Variants in WIPF3 observed in about 807,000 individuals in gnomAD.
WIPF3 encodes the protein WAS/WASL-interacting protein family member 3.
WIPF3 carries 33 observed loss-of-function variants against 38.9 expected under a neutral mutation model. The ratio of observed to expected loss-of-function variants is 0.85; its 90% CI spans 0.64 to 1.14. The LOEUF is 1.14. Among genes scored for constraint, WIPF3 ranks in the 50% most tolerant of loss-of-function variants. WIPF3 has a pLI of 0.00. For synonymous variants in WIPF3, 324 were observed against 269.3 expected (o/e 1.20, Z -1.99); for missense variants, 711 against 652.5 (o/e 1.09, Z -0.98).
At chr7:29,863,040 AT>A (rs1785323251) in intron 2 of WIPF3, among the ~76,000 whole-genome samples, 1 of 151,960 alleles carries the variant, frequency 6.6e-6, no homozygotes, top group African/African-American at 2.4e-5. Context: ...TCTCAACTGT[AT>A]TTTTTATTTT....
chr7:29,879,176 G>A, intron 4 of WIPF3, 36 bp downstream of exon 4: 1 of 1,593,850 alleles, frequency 6.3e-7, no homozygotes, highest in Non-Finnish European at 8.6e-7. Context: ...CTTGTGGTCT[G>A]TATCTCCTTA....
intron 2 of WIPF3, among the ~76,000 whole-genome samples, chr7:29,840,800 G>C: frequency 6.6e-6 from 1 of 152,132 alleles, no homozygotes; most frequent in Non-Finnish European, 1.5e-5. Context: ...CAGGAGCAGG[G>C]TGGGGGTCAG....
At chr7:29,812,581 G>A (rs1045298826) in intron 1 of WIPF3, among the ~76,000 whole-genome samples, 2 of 152,172 alleles carry the variant, frequency 1.3e-5, no homozygotes, top group African/African-American at 4.8e-5. Context: ...TTTTATTCAG[G>A]AAGTGATGCA....
intron 8 of WIPF3, chr7:29,912,778 A>G (rs1786528124): frequency 6.6e-6 from 1 of 152,310 alleles, no homozygotes; most frequent in Admixed American, 6.5e-5. Context: ...TTCAACATGG[A>G]TGAACTTTGA....
intron 1 of WIPF3, among the ~76,000 whole-genome samples, chr7:29,814,068 G>A (rs554807955): frequency 2.0e-5 from 3 of 151,976 alleles, no homozygotes; most frequent in Non-Finnish European, 2.9e-5. Context: ...CTACAGGCGC[G>A]TGCCATGACA....
intron 4 of WIPF3, among the ~76,000 whole-genome samples, chr7:29,880,720 G>T (rs1785697688): frequency 6.6e-6 from 1 of 152,156 alleles, no homozygotes; most frequent in Non-Finnish European, 1.5e-5. Context: ...GGGAAGACAA[G>T]AATTTATCTC....
In WIPF3 at chr7:29,806,582, G is replaced by C. The variant is rs1056531874; in HGVS notation, c.-154G>C. The C allele has an allele frequency of 2.6e-5, 4 of 151,452 alleles. No individual in the cohort carries two copies. The highest frequency in any genetic ancestry group is 4.4e-5 in the Non-Finnish European group (3 of 67,876). 9.4% of individuals were successfully genotyped at this position (151,452 alleles called of 1,614,324 possible). A position where few individuals can be genotyped will look rare whatever the true frequency, so the allele number is the denominator to read the frequency against. On this transcript the variant is annotated 5_prime_UTR_variant, in exon 1 of 9. Coordinates refer to ENST00000242140, the MANE Select transcript of WIPF3 (RefSeq NM_001080529.3). ...GCGGTAGCGGCGCCGCTTGGAGCAC[G>C]GGCGCTGCGGGACGGAGCCCGGAGC... is the stretch of plus-strand genomic sequence containing the variant.
chr7:29,842,615 A>G (rs767283550), intron 2 of WIPF3, among the ~76,000 whole-genome samples: 2 of 152,106 alleles, frequency 1.3e-5, no homozygotes, highest in Admixed American at 1.3e-4. Context: ...ATATATTGGG[A>G]GGTTTTCCCA....
intron 8 of WIPF3, among the ~76,000 whole-genome samples, chr7:29,913,983 C>T (rs879675294): frequency 3.3e-5 from 5 of 152,204 alleles, no homozygotes; most frequent in Non-Finnish European, 7.3e-5. Context: ...ATCTTTGTAT[C>T]TCACTGGATA....
At chr7:29,849,568 A>C (rs1003188241) in intron 2 of WIPF3, among the ~76,000 whole-genome samples, 1 of 152,214 alleles carries the variant, frequency 6.6e-6, no homozygotes, top group Non-Finnish European at 1.5e-5. Flanking sequence ...AGTGTTCTCT[A>C]GTCTGACTAA....
At chr7:29,903,807 T>G (rs946068782) in intron 7 of WIPF3, among the ~76,000 whole-genome samples, 1 of 152,208 alleles carries the variant, frequency 6.6e-6, no homozygotes, top group Admixed American at 6.5e-5. Context: ...ACTTTGAGGT[T>G]TTTTTCCATT....
intron 2 of WIPF3, among the ~76,000 whole-genome samples, chr7:29,853,191 G>A (rs764239196): frequency 3.9e-4 from 60 of 152,204 alleles, no homozygotes; most frequent in Non-Finnish European, 2.5e-4. Flanking sequence ...TGTGGAGCCT[G>A]CCTCAAGTCG....
intron 1 of WIPF3, among the ~76,000 whole-genome samples, chr7:29,829,622 A>C (rs1784684699): frequency 6.6e-6 from 1 of 152,222 alleles, no homozygotes; most frequent in South Asian, 2.1e-4. Context: ...TGTTTGTTTT[A>C]ATAGTGAAAA....
Position 29,915,842 on chromosome 7 carries a change from C to T in WIPF3, c.*1326C>T, listed in dbSNP as rs1366233715. 1 of 152,276 alleles carries T rather than the reference C, an allele frequency of 6.6e-6. No homozygotes were observed. The highest frequency in any genetic ancestry group is 2.4e-5 in the African/African-American group (1 of 41,448). The allele number at this position is 152,276 out of a possible 1,614,324, so 9.4% of individuals were successfully genotyped here. A position where few individuals can be genotyped will look rare whatever the true frequency, so the allele number is the denominator to read the frequency against. On this transcript the variant is annotated 3_prime_UTR_variant, in exon 9 of 9. Transcript: ENST00000242140. ...GATCCCTGGGCTGTGCTCAAAATAG[C>T]TGCCCTTTAAAGGAAATCAGGCAGG...
At chr7:29,900,724 A>G (rs1448616141) in intron 7 of WIPF3, among the ~76,000 whole-genome samples, 1 of 152,140 alleles carries the variant, frequency 6.6e-6, no homozygotes, top group Non-Finnish European at 1.5e-5. Flanking sequence ...AGACAGCCCA[A>G]CTCCTTCCTG....
intron 2 of WIPF3, among the ~76,000 whole-genome samples, chr7:29,860,722 G>A (rs1484264654): frequency 2.0e-5 from 3 of 152,208 alleles, no homozygotes; most frequent in African/African-American, 7.2e-5. Flanking sequence ...AGTAAAGAGA[G>A]TGAACACAAG....
At chr7:29,887,251 G>A (rs1280340902) in intron 5 of WIPF3, among the ~76,000 whole-genome samples, 1 of 152,172 alleles carries the variant, frequency 6.6e-6, no homozygotes, top group South Asian at 2.1e-4. Context: ...CAACATGGGG[G>A]GAAAAGAGAG....
intron 2 of WIPF3, among the ~76,000 whole-genome samples, chr7:29,848,409 G>A (rs533259555): frequency 7.2e-5 from 11 of 152,270 alleles, no homozygotes; most frequent in South Asian, 6.2e-4. Context: ...CTAGACTTGC[G>A]TTTCCCTGGA....
rs1785665424 is a variant in WIPF3, at chr7:29,879,087, T to C, written c.302T>C (p.Leu101Pro). Residue 101 changes from leucine (L) to proline (P), a missense_variant, in exon 4 of 9, where the codon CTG (leucine) becomes CCG (proline). By Grantham distance (98) the Leu-to-Pro change is moderately conservative (BLOSUM62 -3). Transcript: ENST00000242140. ...GASTPPTLGD[L>P]FAGGFPVLRP... Reference sequence around the variant, plus strand: ...AGCACACCTCCCACCCTGGGAGATCTGTTTGCTGGTGGCTTTCCTGTATTG... The same window carrying C: ...AGCACACCTCCCACCCTGGGAGATCCGTTTGCTGGTGGCTTTCCTGTATTG... 6 of 1,612,224 alleles carry C rather than the reference T, an allele frequency of 3.7e-6. No individual in the cohort carries two copies. Among genetic ancestry groups the C allele is most frequent in the Non-Finnish European group, 5.1e-6 (6 of 1,179,170 alleles).
Sources: allele counts gnomAD v4.1 joint callset (sites outside exome capture counted in the v4.1 genomes callset), GRCh38; gene constraint gnomAD v4.1.1; transcripts MANE v1.5; gene names NCBI Gene and HGNC (gene_info 2026-07-23, HGNC 2026-07-21).